The following UVRAG variants were observed in gnomAD, a reference collection of about 807,000 sequenced individuals.
UVRAG encodes UV radiation resistance-associated gene protein.
Under a neutral mutation model 78.0 loss-of-function variants are expected in UVRAG, and 19 were observed. The observed-to-expected ratio is 0.24, with a 90% CI of 0.17 to 0.36. The LOEUF is 0.36. Among genes scored for constraint, UVRAG ranks in the 10% least tolerant of loss-of-function variants. UVRAG has a pLI of 1.00. For missense variants in UVRAG, 740 were observed against 853.8 expected, an observed-to-expected ratio of 0.87 and a Z score of 1.66; for synonymous variants, 323 against 324.6, an observed-to-expected ratio of 1.00 and a Z score of 0.05.
chr11:76,078,040 A>G (rs1010234666), intron 13 of UVRAG, among the ~76,000 whole-genome samples: 2 of 152,244 alleles, frequency 1.3e-5, no homozygotes, highest in African/African-American at 4.8e-5. Context: ...TGAAATATGC[A>G]GTGCTAGCTA....
At chr11:76,140,048 A>ACT (rs1312448539) in intron 14 of UVRAG, among the ~76,000 whole-genome samples, 6 of 89,970 alleles carry the variant, frequency 6.7e-5, no homozygotes, top group East Asian at 3.4e-4. Flanking sequence ...TATAACCTTG[A>ACT]CTCTCTCTCT....
chr11:76,017,646 A>T (rs1241866157), intron 12 of UVRAG, among the ~76,000 whole-genome samples: 1 of 152,190 alleles, frequency 6.6e-6, no homozygotes, highest in Non-Finnish European at 1.5e-5. Flanking sequence ...GCAACTAGAG[A>T]GAAAGACATG....
chr11:75,829,141 G>A (rs1299609440), intron 1 of UVRAG, among the ~76,000 whole-genome samples: 1 of 152,076 alleles, frequency 6.6e-6, no homozygotes, highest in African/African-American at 2.4e-5. Context: ...GCTATTCACA[G>A]GTAATGCACT....
intron 13 of UVRAG, among the ~76,000 whole-genome samples, chr11:76,096,967 C>G (rs1951794935): frequency 6.6e-6 from 1 of 152,032 alleles, no homozygotes; most frequent in East Asian, 1.9e-4. Context: ...CCCTTGCAAA[C>G]TTCCTGGTAG....
intron 13 of UVRAG, among the ~76,000 whole-genome samples, chr11:76,110,830 T>C (rs1565165242): frequency 6.6e-6 from 1 of 152,176 alleles, no homozygotes; most frequent in Non-Finnish European, 1.5e-5. Context: ...TGGTTTTTTA[T>C]ATATAAAATC....
At chr11:75,904,954 A>G (rs1257645968) in intron 5 of UVRAG, among the ~76,000 whole-genome samples, 1 of 152,048 alleles carries the variant, frequency 6.6e-6, no homozygotes, top group Non-Finnish European at 1.5e-5. Context: ...TATTTTCCTT[A>G]CTTATGCGAT....
At chr11:75,884,642 G>C (rs571691184) in intron 4 of UVRAG, among the ~76,000 whole-genome samples, 4 of 152,056 alleles carry the variant, frequency 2.6e-5, no homozygotes, top group Non-Finnish European at 5.9e-5. Context: ...AATTGTTCCT[G>C]TACTCTTTGT....
intron 13 of UVRAG, among the ~76,000 whole-genome samples, chr11:76,067,979 G>A (rs1951224691): frequency 6.6e-6 from 1 of 152,028 alleles, no homozygotes; most frequent in Non-Finnish European, 1.5e-5. Context: ...TAGATCCTAA[G>A]GTCAGAAGGC....
chr11:75,877,546 G>A (rs1387027128), intron 3 of UVRAG, among the ~76,000 whole-genome samples: 2 of 145,028 alleles, frequency 1.4e-5, no homozygotes. Context: ...GGGGTGGCTG[G>A]CCGGGCGGGG....
chr11:76,040,618 C>T (rs778941809), intron 12 of UVRAG, among the ~76,000 whole-genome samples: 7 of 152,020 alleles, frequency 4.6e-5, no homozygotes, highest in East Asian at 1.9e-4. Flanking sequence ...TGCAGTGGCG[C>T]GGTCTCGACT....
intron 1 of UVRAG, among the ~76,000 whole-genome samples, chr11:75,844,919 G>T (rs1946002693): frequency 6.6e-6 from 1 of 152,120 alleles, no homozygotes; most frequent in African/African-American, 2.4e-5. Flanking sequence ...GCCCTCCTTG[G>T]CCTCCCAAAG....
At chr11:76,023,937 G>T (rs907318565) in intron 12 of UVRAG, among the ~76,000 whole-genome samples, 2 of 152,050 alleles carry the variant, frequency 1.3e-5, no homozygotes, top group African/African-American at 4.8e-5. Context: ...GTTTAATGAT[G>T]AAAAACATGG....
At chr11:75,873,151 A>T (rs192568889) in intron 3 of UVRAG, among the ~76,000 whole-genome samples, 13 of 152,330 alleles carry the variant, frequency 8.5e-5, no homozygotes, top group Middle Eastern at 3.4e-3. Flanking sequence ...TGTAATAATT[A>T]TACCAGTAGT....
chr11:76,112,459 A>C (rs1952093031), intron 13 of UVRAG, among the ~76,000 whole-genome samples: 1 of 152,216 alleles, frequency 6.6e-6, no homozygotes, highest in African/African-American at 2.4e-5. Flanking sequence ...CACTCCACCA[A>C]GATGAGGCAG....
chr11:75,906,802 A>G (rs1201113978), intron 5 of UVRAG, among the ~76,000 whole-genome samples: 3 of 152,224 alleles, frequency 2.0e-5, no homozygotes, highest in African/African-American at 4.8e-5. Flanking sequence ...TGAGTAGTCT[A>G]TGAACCTTTG....
Position 76,066,364 on chromosome 11 carries a change from G to A in UVRAG, c.1305+576G>A, listed in dbSNP as rs974984157. Among the ~76,000 whole-genome samples the A allele has an allele frequency of 7.2e-5, 11 of 152,272 alleles. No homozygotes were observed. In the South Asian group the frequency reaches 1.7e-3, roughly 23 times the overall value. On this transcript the variant is annotated intron_variant, in intron 13 of 14. Transcript: ENST00000356136. ...CAGATGCCTAGGTTTGTATTTTCCT[G>A]AAAGAAATATGTAGCATTTCTTTAG...
chr11:75,944,913 C>A (rs909066854), intron 6 of UVRAG, among the ~76,000 whole-genome samples: 3 of 152,032 alleles, frequency 2.0e-5, no homozygotes, highest in Non-Finnish European at 4.4e-5. Flanking sequence ...AGATACAGAA[C>A]CTTTAGTCAG....
intron 3 of UVRAG, among the ~76,000 whole-genome samples, chr11:75,877,047 A>C (rs550885344): frequency 1.1e-3 from 171 of 150,664 alleles, no homozygotes; most frequent in African/African-American, 3.8e-3. Flanking sequence ...AGTGGTGATG[A>C]CTCTTAACGA....
chr11:76,136,139 C>T (rs1163764335), intron 14 of UVRAG, among the ~76,000 whole-genome samples: 1 of 152,132 alleles, frequency 6.6e-6, no homozygotes, highest in African/African-American at 2.4e-5. Context: ...CTTTTCAATT[C>T]CTCCCTTTCT....
Sources: allele counts gnomAD v4.1 joint callset (sites outside exome capture counted in the v4.1 genomes callset), GRCh38; gene constraint gnomAD v4.1.1; transcripts MANE v1.5; gene names NCBI Gene and HGNC (gene_info 2026-07-23, HGNC 2026-07-21).